KLHL3: variants seen among roughly 807,000 people sequenced by gnomAD.
KLHL3 encodes kelch like family member 3.
Under a neutral mutation model 70.5 loss-of-function variants are expected in KLHL3, and 19 were observed. The observed-to-expected ratio is 0.27, with a 90% confidence interval of 0.19 to 0.40. The LOEUF is 0.40. Ranked by LOEUF, KLHL3 falls within the 10% of genes least tolerant of loss-of-function variation. The pLI is 1.00. For missense variants in KLHL3, 512 were observed against 771.1 expected (o/e 0.66, Z 3.98); for synonymous variants, 258 against 290.3 (o/e 0.89, Z 1.13).
intron 5 of KLHL3, among the ~76,000 whole-genome samples, chr5:137,681,011 A>T (rs912621816): frequency 4.7e-5 from 7 of 148,060 alleles, no homozygotes; most frequent in African/African-American, 1.7e-4. Context: ...CTCTCTATTT[A>T]AAAAAAAAAA....
At chr5:137,711,695 A>G (rs1752794489) in intron 2 of KLHL3, among the ~76,000 whole-genome samples, 1 of 152,140 alleles carries the variant, frequency 6.6e-6, no homozygotes, top group Admixed American at 6.5e-5. Flanking sequence ...TGGGCAAATA[A>G]GCTCACCCCA....
In KLHL3 at chr5:137,676,935, T is replaced by C. The variant is rs1389873944; in HGVS notation, c.636+610A>G. Among the ~76,000 whole-genome samples, 4 of 152,156 alleles carry C rather than the reference T, an allele frequency of 2.6e-5. No homozygotes were observed. In the East Asian group the frequency reaches 5.8e-4, roughly 22 times the overall value. On this transcript the variant is annotated intron_variant, in intron 6 of 14. Coordinates refer to ENST00000309755, the MANE Select transcript of KLHL3 (RefSeq NM_017415.3). ...TAGTAATGTCTGCTTCACAGGGGTA[T>C]GGTAGAGGTGGAATGAGCCCAAGAA... is the stretch of plus-strand genomic sequence containing the variant.
At chr5:137,696,748 T>C (rs1752453952) in intron 4 of KLHL3, among the ~76,000 whole-genome samples, 2 of 152,196 alleles carry the variant, frequency 1.3e-5, no homozygotes, top group African/African-American at 4.8e-5. Flanking sequence ...TTAACCCCTT[T>C]GAGCACCAGT....
At chr5:137,655,294 G>A (rs1007295117) in intron 8 of KLHL3, among the ~76,000 whole-genome samples, 11 of 152,148 alleles carry the variant, frequency 7.2e-5, no homozygotes, top group Admixed American at 2.6e-4. Context: ...CAAACCAATG[G>A]GGGAAGAGGG....
chr5:137,705,131 A>G (rs1752660425), intron 3 of KLHL3, among the ~76,000 whole-genome samples: 1 of 152,210 alleles, frequency 6.6e-6, no homozygotes, highest in South Asian at 2.1e-4. Context: ...GTCTAAGAAA[A>G]GAATTCTATT....
At chr5:137,672,610 G>C (rs1355568158) in intron 6 of KLHL3, 1 of 152,162 alleles carries the variant, frequency 6.6e-6, no homozygotes, top group Admixed American at 6.5e-5. Context: ...TCTCTGAAAA[G>C]CCTCAATAGT....
At chr5:137,648,837 T>C (rs961547651) in intron 8 of KLHL3, among the ~76,000 whole-genome samples, 1 of 152,208 alleles carries the variant, frequency 6.6e-6, no homozygotes, top group African/African-American at 2.4e-5. Flanking sequence ...AGAAAGCCTA[T>C]CTGGACTGAA....
At chr5:137,685,553 A>G (rs956817942) in intron 5 of KLHL3, among the ~76,000 whole-genome samples, 1 of 152,242 alleles carries the variant, frequency 6.6e-6, no homozygotes, top group Admixed American at 6.5e-5. Flanking sequence ...TTATACCTCT[A>G]TGTACTGCTT....
intron 5 of KLHL3, among the ~76,000 whole-genome samples, chr5:137,684,422 G>A (rs1021281350): frequency 2.0e-5 from 3 of 152,062 alleles, no homozygotes; most frequent in Non-Finnish European, 1.5e-5. Flanking sequence ...TTTTTCTGCT[G>A]CCTTAATTAC....
intron 7 of KLHL3, among the ~76,000 whole-genome samples, chr5:137,659,857 A>G (rs1460291969): frequency 6.6e-6 from 1 of 152,172 alleles, no homozygotes; most frequent in Non-Finnish European, 1.5e-5. Flanking sequence ...ACATTTTATC[A>G]CAACATATTA....
chr5:137,625,602 G>T, intron 14 of KLHL3, 151 bp downstream of exon 14: 1 of 736,592 alleles, frequency 1.4e-6, no homozygotes, highest in Non-Finnish European at 2.2e-6. Flanking sequence ...AGGAGTGGTG[G>T]CCATGTAACA....
intron 5 of KLHL3, among the ~76,000 whole-genome samples, chr5:137,685,738 C>T (rs566721589): frequency 3.9e-5 from 6 of 152,270 alleles, no homozygotes; most frequent in South Asian, 4.1e-4. Flanking sequence ...ATTCAAATTC[C>T]GTGGCTCAAG....
At position 137,627,488 on chromosome 5, in the gene KLHL3, C is replaced by A. The variant is rs10477801; in HGVS notation, c.1591+809G>T. Among the ~76,000 whole-genome samples the A allele has an allele frequency of 3.2e-5, 3 of 92,398 alleles. 1 individual carries two copies. The highest frequency in any genetic ancestry group is 8.4e-4 in the South Asian group (2 of 2,386). 60.6% of individuals were successfully genotyped at this position (92,398 alleles called of 152,430 possible). ...TAGTAAATATCACCACCCCCCCCCC[C>A]GGTTTACACTTCCAAGTCAGCCACG... On this transcript the variant is annotated intron_variant, in intron 13 of 14. Transcript: ENST00000309755.
At chr5:137,638,870 G>T in intron 10 of KLHL3, 83 bp downstream of exon 10, 1 of 1,337,936 alleles carries the variant, frequency 7.5e-7, no homozygotes, top group Non-Finnish European at 1.0e-6. Flanking sequence ...CAGAAAGTTG[G>T]TCCAGAACTG....
rs770233231 is a variant in KLHL3 at position 137,639,987 on chromosome 5, G to A, written c.904-10C>T. 8.1e-6 allele frequency: 13 copies of A among 1,612,120 alleles called. No individual in the cohort carries two copies. The highest frequency in any genetic ancestry group is 1.3e-5 in the African/African-American group (1 of 74,876). On this transcript the variant is annotated splice_polypyrimidine_tract_variant and intron_variant, in intron 8 of 14. Coordinates refer to ENST00000309755, the MANE Select transcript of KLHL3 (RefSeq NM_017415.3). The surrounding 1 kb of genome is among the most constrained non-coding windows in gnomAD (Gnocchi z 5.0). Reference sequence around the variant, plus strand: ...CAACCACAATCATGACCTCCGGAGAGACAAGTGGACGTTAGCGGGGTCACC... The same window carrying A: ...CAACCACAATCATGACCTCCGGAGAAACAAGTGGACGTTAGCGGGGTCACC...
At chr5:137,680,605 C>T (rs960155176) in intron 5 of KLHL3, among the ~76,000 whole-genome samples, 3 of 150,766 alleles carry the variant, frequency 2.0e-5, no homozygotes, top group South Asian at 2.1e-4. Flanking sequence ...TGCAATGGCG[C>T]GATCTCAGCT....
chr5:137,667,618 C>T (rs75573608), intron 6 of KLHL3, among the ~76,000 whole-genome samples: 1,855 of 152,272 alleles, frequency 0.012, 36 homozygotes, highest in African/African-American at 0.042. Flanking sequence ...GCTGGACTTG[C>T]ACACCCCAAG....
rs1023363822 is a variant in KLHL3, at chr5:137,678,455, G to A, written c.527-801C>T. Reference sequence around the variant, plus strand: ...AAATGTCATCTACTTCAGAAAGAAGGAGCCTAGGTTCAAATCCTGGCTTTG... The same window carrying A: ...AAATGTCATCTACTTCAGAAAGAAGAAGCCTAGGTTCAAATCCTGGCTTTG... On this transcript the variant is annotated intron_variant, in intron 5 of 14. Transcript: ENST00000309755. 1.3e-5 allele frequency among the ~76,000 whole-genome samples: 2 copies of A among 152,152 alleles called. 1 individual carries two copies. The highest frequency in any genetic ancestry group is 2.9e-5 in the Non-Finnish European group (2 of 68,022).
Position 137,722,318 on chromosome 5 carries a change from A to C in KLHL3, c.15-1734T>G, listed in dbSNP as rs1342202582. Among the ~76,000 whole-genome samples, 4 of 152,134 alleles carry C rather than the reference A, an allele frequency of 2.6e-5. No individual in the cohort carries two copies. The East Asian group carries it at 5.8e-4, about 22-fold the overall frequency. On this transcript the variant is annotated intron_variant, in intron 1 of 14. Coordinates refer to ENST00000309755, the MANE Select transcript of KLHL3 (RefSeq NM_017415.3). Reference sequence around the variant, plus strand: ...GACTCCTCTTTTGGCTCCCTTCCCCACCATCAGTTCATCATGCAAACGTAA... The same window carrying C: ...GACTCCTCTTTTGGCTCCCTTCCCCCCCATCAGTTCATCATGCAAACGTAA...
Sources: allele counts gnomAD v4.1 joint callset (sites outside exome capture counted in the v4.1 genomes callset), GRCh38; gene constraint gnomAD v4.1.1; non-coding constraint Gnocchi (gnomAD v3.1); transcripts MANE v1.5; gene names NCBI Gene and HGNC (gene_info 2026-07-23, HGNC 2026-07-21).